The following PDLIM1 variants were observed in gnomAD, a reference collection of about 807,000 sequenced individuals.
The protein encoded by PDLIM1 is PDZ and LIM domain protein 1.
PDLIM1 carries 25 observed loss-of-function variants against 35.2 expected under a neutral mutation model. The observed-to-expected ratio is 0.71, with a 90% CI of 0.52 to 0.99. The LOEUF (loss-of-function observed/expected upper bound fraction) is 0.99, where lower values mean the gene tolerates loss of function less well. Ranked by LOEUF, PDLIM1 falls within the 50% of genes least tolerant of loss-of-function variation. The pLI, the probability that PDLIM1 is intolerant of heterozygous loss-of-function variation, is 0.00. For missense variants in PDLIM1, 363 were observed against 415.3 expected, an observed-to-expected ratio of 0.87 and a Z score of 1.09; for synonymous variants, 152 against 154.0, an observed-to-expected ratio of 0.99 and a Z score of 0.10.
intron 4 of PDLIM1, among the ~76,000 whole-genome samples, chr10:95,258,167 T>C (rs765549310): frequency 1.3e-5 from 2 of 152,004 alleles, no homozygotes; most frequent in Non-Finnish European, 2.9e-5. Flanking sequence ...TGGGAAAGAT[T>C]TGACCCCATG....
intron 5 of PDLIM1, 173 bp from the exon 6 acceptor site, chr10:95,238,858 T>G: frequency 1.8e-6 from 1 of 540,594 alleles, no homozygotes; most frequent in African/African-American, 1.9e-5. Context: ...CAGTTTATTT[T>G]TCTATAAAAT....
intron 3 of PDLIM1, 101 bp from the exon 4 acceptor site, chr10:95,264,164 A>G (rs1258228912): frequency 1.0e-6 from 1 of 958,164 alleles, no homozygotes; most frequent in Admixed American, 2.1e-5. Flanking sequence ...TCCAGCTGCT[A>G]AGATGGCCCT....
intron 3 of PDLIM1, 72 bp from the exon 4 acceptor site, chr10:95,264,135 G>A: frequency 7.6e-7 from 1 of 1,320,420 alleles, no homozygotes. Flanking sequence ...AGTGCAGGCT[G>A]AGCGCCAGGG....
intron 1 of PDLIM1, among the ~76,000 whole-genome samples, chr10:95,278,422 G>A (rs901213182): frequency 3.3e-5 from 5 of 152,182 alleles, no homozygotes; most frequent in African/African-American, 1.2e-4. Context: ...AAAGGGTGGT[G>A]CCTGCCATCA....
At chr10:95,250,005 C>T (rs2133414835) in intron 4 of PDLIM1, among the ~76,000 whole-genome samples, 1 of 152,296 alleles carries the variant, frequency 6.6e-6, no homozygotes, top group Admixed American at 6.5e-5. Flanking sequence ...TCAGGGCAGG[C>T]AATGGGGCCA....
At chr10:95,285,230 G>C (rs1407852300) in intron 1 of PDLIM1, among the ~76,000 whole-genome samples, 1 of 152,114 alleles carries the variant, frequency 6.6e-6, no homozygotes. Context: ...TTTTCAGGAG[G>C]GACAGGGAAG....
chr10:95,271,969 A>G (rs139215556), intron 1 of PDLIM1, among the ~76,000 whole-genome samples, 185 bp from the exon 2 acceptor site: 8 of 152,328 alleles, frequency 5.3e-5, no homozygotes, highest in Non-Finnish European at 1.0e-4. Context: ...ATATGATCTC[A>G]TTGTATCCCT....
At chr10:95,268,226 T>C (rs2035431621) in intron 3 of PDLIM1, among the ~76,000 whole-genome samples, 1 of 152,236 alleles carries the variant, frequency 6.6e-6, no homozygotes, top group South Asian at 2.1e-4. Flanking sequence ...TGTACTGCTT[T>C]TTTTTATATT....
At chr10:95,263,822 C>A in intron 4 of PDLIM1, 42 bp downstream of exon 4, 1 of 1,513,960 alleles carries the variant, frequency 6.6e-7, no homozygotes. Flanking sequence ...GTGAAAAGCC[C>A]CTCCCAGGAG....
intron 1 of PDLIM1, among the ~76,000 whole-genome samples, chr10:95,282,705 C>A (rs991273408): frequency 2.6e-5 from 4 of 152,120 alleles, no homozygotes; most frequent in Non-Finnish European, 5.9e-5. Context: ...TTTGGGAGGC[C>A]GAGATGGGCG....
chr10:95,238,447 AT>A, intron 6 of PDLIM1, 120 bp downstream of exon 6: 1 of 737,022 alleles, frequency 1.4e-6, no homozygotes, highest in Non-Finnish European at 2.4e-6. Flanking sequence ...TCTCTGTTGC[AT>A]TTTTCCAGGA....
intron 1 of PDLIM1, among the ~76,000 whole-genome samples, chr10:95,272,797 C>T (rs948003748): frequency 3.3e-5 from 5 of 152,190 alleles, no homozygotes; most frequent in African/African-American, 4.8e-5. Context: ...TCCCTATAGA[C>T]GGCTGGTTTT....
intron 4 of PDLIM1, among the ~76,000 whole-genome samples, chr10:95,252,392 T>G (rs546974242): frequency 6.6e-6 from 1 of 152,290 alleles, no homozygotes; most frequent in South Asian, 2.1e-4. Context: ...CACCTGTCAG[T>G]AATGAGGCAG....
intron 1 of PDLIM1, among the ~76,000 whole-genome samples, chr10:95,278,830 G>A (rs1181309277): frequency 6.6e-6 from 1 of 152,124 alleles, no homozygotes; most frequent in Non-Finnish European, 1.5e-5. Context: ...TCTAACCGAC[G>A]CTCAAAGAAG....
At chr10:95,266,344 A>AT (rs1442309161) in intron 3 of PDLIM1, among the ~76,000 whole-genome samples, 8 of 152,350 alleles carry the variant, frequency 5.3e-5, no homozygotes, top group African/African-American at 1.9e-4. Context: ...GAAGACAGAG[A>AT]TTTACAGATG....
intron 1 of PDLIM1, among the ~76,000 whole-genome samples, chr10:95,274,980 A>G (rs1253445352): frequency 3.3e-5 from 5 of 152,192 alleles, no homozygotes; most frequent in African/African-American, 9.7e-5. Flanking sequence ...AGGGGCCTGA[A>G]TTCTGCTAAG....
intron 4 of PDLIM1, among the ~76,000 whole-genome samples, chr10:95,250,682 G>T (rs1314681069): frequency 6.6e-6 from 1 of 152,196 alleles, no homozygotes; most frequent in Non-Finnish European, 1.5e-5. Context: ...TCAGTCTCCA[G>T]GAGAAAAAGT....
chr10:95,290,822 G>A lies in PDLIM1; in HGVS notation c.94C>T (p.Arg32Trp), dbSNP rs2035647169. ...ACGCACGTCCCAGCTGCTCTTACCC[G>A]GGAAATGGCGAGAGGCTGCTCGAAG... is the stretch of plus-strand genomic sequence containing the variant. ...KDFEQPLAIS[R>W]VTPGSKAALA... The change falls in exon 1 of 7, where the codon CGG becomes TGG. Residue 32 changes from arginine (R) to tryptophan (W), a missense_variant and splice_region_variant. By Grantham distance (101) the Arg-to-Trp change is moderately radical. Transcript: ENST00000329399. This position sits in a 1 kb window ranked among gnomAD's most constrained non-coding sequence, Gnocchi z 4.7. 1 of 1,557,356 alleles carries A rather than the reference G, an allele frequency of 6.4e-7. No homozygotes were observed. Among genetic ancestry groups the A allele is most frequent in the Non-Finnish European group, 8.7e-7 (1 of 1,150,366 alleles).
At chr10:95,261,210 G>GA (rs1399514596) in intron 4 of PDLIM1, among the ~76,000 whole-genome samples, 1 of 152,138 alleles carries the variant, frequency 6.6e-6, no homozygotes, top group African/African-American at 2.4e-5. Context: ...ATTAATGAAG[G>GA]AAAAATAGCC....
Sources: gnomAD v4.1 joint callset for allele counts (sites outside exome capture counted in the v4.1 genomes callset) on GRCh38, gnomAD v4.1.1 for gene constraint, Gnocchi (gnomAD v3.1) non-coding constraint, MANE v1.5 for transcripts, NCBI Gene and HGNC (gene_info 2026-07-23, HGNC 2026-07-21) for gene names.